KLHL4: variants seen among roughly 807,000 people sequenced by gnomAD.
KLHL4 encodes kelch-like protein 4.
Under a neutral mutation model 45.8 loss-of-function variants are expected in KLHL4, and 17 were observed. That is an observed-to-expected ratio of 0.37 (90% CI 0.25 to 0.56). KLHL4 has a LOEUF of 0.56. Ranked by LOEUF, KLHL4 falls within the 20% of genes least tolerant of loss-of-function variation. The pLI, the probability that KLHL4 is intolerant of heterozygous loss-of-function variation, is 0.79. For missense variants in KLHL4, 544 were observed against 544.9 expected (o/e 1.00, Z 0.02); for synonymous variants, 224 against 189.9 (o/e 1.18, Z -1.47).
chrX:87,645,816 T>G (rs143807271), intron 9 of KLHL4, among the ~76,000 whole-genome samples: 6,232 of 111,216 alleles, frequency 0.056, 128 homozygotes, highest in East Asian at 0.14. Context: ...AACCAAACAT[T>G]GTATGTTCTC....
At chrX:87,662,603 C>T (rs964098369) in intron 9 of KLHL4, among the ~76,000 whole-genome samples, 15 of 111,131 alleles carry the variant, frequency 1.3e-4, no homozygotes, top group Admixed American at 9.6e-5. Flanking sequence ...CTTCCACACA[C>T]GCAAAGTTGT....
chrX:87,582,996 T>C (rs1313878714), intron 1 of KLHL4, among the ~76,000 whole-genome samples: 1 of 111,296 alleles, frequency 9.0e-6, no homozygotes, highest in Non-Finnish European at 1.9e-5. Context: ...TGCAATTGGC[T>C]ACTTTTAGGA....
At chrX:87,617,847 A>G in intron 3 of KLHL4, 85 bp from the exon 4 acceptor site, 2 of 805,606 alleles carry the variant, frequency 2.5e-6, no homozygotes, top group Non-Finnish European at 3.5e-6. Flanking sequence ...ACTAGAGAGG[A>G]AAATAAAAAA....
intron 1 of KLHL4, among the ~76,000 whole-genome samples, chrX:87,521,896 A>T (rs1304718937): frequency 8.9e-6 from 1 of 112,697 alleles, no homozygotes; most frequent in East Asian, 2.8e-4. Flanking sequence ...CTTTCCAGCC[A>T]TCCTGTAACC....
intron 1 of KLHL4, among the ~76,000 whole-genome samples, chrX:87,585,350 C>T (rs1921431919): frequency 9.0e-6 from 1 of 111,519 alleles, no homozygotes; most frequent in Non-Finnish European, 1.9e-5. Context: ...AATATTATAA[C>T]ACTAACTATG....
rs147945523 is a variant in KLHL4, at chrX:87,617,877, G to A, written c.728-55G>A. The A allele has an allele frequency of 2.0e-4, 202 of 1,008,126 alleles. No homozygotes were observed. The African/African-American group carries it at 2.9e-3, about 14-fold the overall frequency. The allele number at this position is 1,008,126 out of a possible 1,213,427, so 83.1% of individuals were successfully genotyped here. On this transcript the variant is annotated intron_variant, in intron 3 of 10. Transcript: ENST00000373119. ...AAAAAAAAAATGTCAACTAGTTGAC[G>A]TAGTTTTTACTTTATGGAACTTATA...
At chrX:87,578,831 CA>C (rs937280992) in intron 1 of KLHL4, among the ~76,000 whole-genome samples, 6 of 110,809 alleles carry the variant, frequency 5.4e-5, no homozygotes, top group South Asian at 3.8e-4. Flanking sequence ...GCAATTATAA[CA>C]AAAAAAATGG....
chrX:87,582,651 G>A (rs1483391518), intron 1 of KLHL4, among the ~76,000 whole-genome samples: 3 of 112,116 alleles, frequency 2.7e-5, no homozygotes, highest in Non-Finnish European at 5.6e-5. Context: ...ATCTAGTGCA[G>A]AACTAGGCCA....
chrX:87,635,692 A>C lies in KLHL4; in HGVS notation c.1842A>C (p.Thr614=). The change falls in exon 9 of 11, where the codon ACA becomes ACC. Residue 614 remains threonine (T), a synonymous_variant. Coordinates refer to ENST00000373119, the MANE Select transcript of KLHL4 (RefSeq NM_019117.5). ...GACGTGGAGGTGTGGGAGTTGCCAC[A>C]TACAATGGATTCTTATATGTTGTAG... is the stretch of plus-strand genomic sequence containing the variant. The part of the protein sequence containing the change: ...SKRRGGVGVA[T]YNGFLYVVGG... 8.3e-7 allele frequency: 1 copy of C among 1,210,866 alleles called. No individual in the cohort carries two copies. The highest frequency in any genetic ancestry group is 1.1e-6 in the Non-Finnish European group (1 of 894,485).
chrX:87,628,961 C>T (rs1429028448), intron 6 of KLHL4, among the ~76,000 whole-genome samples: 1 of 111,705 alleles, frequency 9.0e-6, no homozygotes, highest in African/African-American at 3.2e-5. Context: ...ATGTCTTGTA[C>T]GTACATAATA....
chrX:87,653,235 A>G (rs1207243498), intron 9 of KLHL4, among the ~76,000 whole-genome samples: 1 of 111,888 alleles, frequency 8.9e-6, no homozygotes, highest in Non-Finnish European at 1.9e-5. Flanking sequence ...GGAAGGGTCC[A>G]GTTTCAATTT....
chrX:87,644,301 AT>A (rs952856068), intron 9 of KLHL4, among the ~76,000 whole-genome samples: 1 of 111,277 alleles, frequency 9.0e-6, no homozygotes, highest in African/African-American at 3.3e-5. Context: ...CCCTATTACA[AT>A]AGCTGCAAAA....
chrX:87,561,899 T>C (rs1381260543), intron 1 of KLHL4, among the ~76,000 whole-genome samples: 1 of 110,026 alleles, frequency 9.1e-6, no homozygotes, highest in East Asian at 2.9e-4. Flanking sequence ...ACTCTGGGCA[T>C]CACGGAAACC....
intron 9 of KLHL4, among the ~76,000 whole-genome samples, chrX:87,658,764 G>A (rs776662492): frequency 9.9e-5 from 11 of 110,740 alleles, no homozygotes; most frequent in East Asian, 5.7e-4. Flanking sequence ...CTACTTCCTC[G>A]TGAGTGAGGC....
chrX:87,592,469 T>G (rs1318741615), intron 1 of KLHL4, among the ~76,000 whole-genome samples: 1 of 111,614 alleles, frequency 9.0e-6, no homozygotes, highest in Non-Finnish European at 1.9e-5. Flanking sequence ...TAATTTACAT[T>G]CCCACCAACA....
chrX:87,549,127 TATATC>T (rs1386924207), intron 1 of KLHL4, among the ~76,000 whole-genome samples: 2 of 110,499 alleles, frequency 1.8e-5, no homozygotes, highest in Admixed American at 9.7e-5. Flanking sequence ...TTGCTATACT[TATATC>T]AGACAAAATA....
intron 1 of KLHL4, among the ~76,000 whole-genome samples, chrX:87,564,111 G>C (rs1156777758): frequency 9.0e-6 from 1 of 111,137 alleles, no homozygotes; most frequent in African/African-American, 3.3e-5. Context: ...GGGTACAAAA[G>C]TCACTGGTAA....
intron 1 of KLHL4, among the ~76,000 whole-genome samples, chrX:87,561,821 A>G (rs1190991887): frequency 3.6e-5 from 4 of 109,701 alleles, no homozygotes; most frequent in Non-Finnish European, 7.6e-5. Flanking sequence ...CTACAGTAAA[A>G]TAAATCACCA....
intron 1 of KLHL4, among the ~76,000 whole-genome samples, chrX:87,537,516 C>T (rs1931458557): frequency 9.1e-6 from 1 of 110,013 alleles, no homozygotes; most frequent in Non-Finnish European, 1.9e-5. Context: ...ATAGATAGGT[C>T]GATATATAGA....
Sources: allele counts gnomAD v4.1 joint callset (sites outside exome capture counted in the v4.1 genomes callset), GRCh38; gene constraint gnomAD v4.1.1; transcripts MANE v1.5; gene names NCBI Gene and HGNC (gene_info 2026-07-23, HGNC 2026-07-21).